Variants in RALGAPA2 observed in about 807,000 individuals in gnomAD.
RALGAPA2 encodes the protein Ral GTPase activating protein catalytic subunit alpha 2.
In RALGAPA2, 139 loss-of-function variants were observed where a neutral mutation model predicts 230.4. The observed-to-expected ratio is 0.60, with a 90% confidence interval of 0.53 to 0.69. The LOEUF is 0.69. RALGAPA2 is among the 30% of genes least tolerant of loss of function. The pLI, the probability that RALGAPA2 is intolerant of heterozygous loss-of-function variation, is 0.00. For synonymous variants in RALGAPA2, 847 were observed against 837.8 expected (o/e 1.01, Z -0.19); for missense variants, 2,163 against 2,276.0 (o/e 0.95, Z 1.01).
intron 23 of RALGAPA2, among the ~76,000 whole-genome samples, chr20:20,547,289 T>C (rs1467868663): frequency 6.6e-6 from 1 of 152,270 alleles, no homozygotes; most frequent in Admixed American, 6.5e-5. Context: ...CAGATAGTTT[T>C]ACGTGTTCAG....
chr20:20,533,509 T>C (rs2063421169), intron 26 of RALGAPA2, among the ~76,000 whole-genome samples: 1 of 152,116 alleles, frequency 6.6e-6, no homozygotes, highest in African/African-American at 2.4e-5. Flanking sequence ...AATTTGACAG[T>C]ATATAAGGAG....
In RALGAPA2 at chr20:20,571,741, C is replaced by A. The variant is rs556409578; in HGVS notation, c.3000+107G>T. The A allele has an allele frequency of 3.4e-5, 50 of 1,455,602 alleles. No homozygotes were observed. The African/African-American group carries it at 6.8e-4, about 20-fold the overall frequency. The allele number at this position is 1,455,602 out of a possible 1,614,324, so 90.2% of individuals were successfully genotyped here. On this transcript the variant is annotated intron_variant, in intron 22 of 39. Transcript: ENST00000202677. Reference sequence around the variant, plus strand: ...GTGGGATGCAGTTACTTTAGTAAGACCCAGCCTGTCTTCAAAACATGCAGT... The same window carrying A: ...GTGGGATGCAGTTACTTTAGTAAGAACCAGCCTGTCTTCAAAACATGCAGT...
chr20:20,543,147 C>T (rs1397835569), intron 24 of RALGAPA2, among the ~76,000 whole-genome samples: 4 of 152,022 alleles, frequency 2.6e-5, no homozygotes, highest in East Asian at 1.9e-4. Context: ...CAGGTTCAAG[C>T]GATTCTCCTG....
intron 7 of RALGAPA2, among the ~76,000 whole-genome samples, chr20:20,637,762 T>C (rs2066901980): frequency 6.6e-6 from 1 of 152,242 alleles, no homozygotes; most frequent in Non-Finnish European, 1.5e-5. Flanking sequence ...TTTTATAACG[T>C]GCTGTAATGT....
At chr20:20,595,675 C>T (rs547653777) in intron 16 of RALGAPA2, among the ~76,000 whole-genome samples, 4 of 152,100 alleles carry the variant, frequency 2.6e-5, no homozygotes, top group South Asian at 4.2e-4. Flanking sequence ...TAGAACAGAC[C>T]GGACGTGGTG....
At chr20:20,604,237 G>A (rs377550024) in intron 15 of RALGAPA2, among the ~76,000 whole-genome samples, 2 of 152,226 alleles carry the variant, frequency 1.3e-5, no homozygotes, top group African/African-American at 4.8e-5. Flanking sequence ...AGAGTAAGGT[G>A]TAGTACAAGT....
rs1044516188 is a variant in RALGAPA2, at chr20:20,512,202, AAAC to A, written c.4856+308_4856+310del. 1.7e-4 allele frequency among the ~76,000 whole-genome samples: 25 copies of A among 150,084 alleles called. No homozygotes were observed. In the South Asian group the frequency reaches 2.7e-3, roughly 16 times the overall value. On this transcript the variant is annotated intron_variant, in intron 32 of 39. Coordinates refer to ENST00000202677, the MANE Select transcript of RALGAPA2 (RefSeq NM_020343.4). The stretch of plus-strand genomic sequence containing the variant: ...GACTCTGTCTCAAAAAACAAAAAAC[AAAC>A]AACAACAACAACCCCCCCTACACAC...
chr20:20,492,459 A>G (rs1602531682), intron 36 of RALGAPA2, among the ~76,000 whole-genome samples: 2 of 152,230 alleles, frequency 1.3e-5, no homozygotes, highest in South Asian at 4.1e-4. Context: ...ATTTTGGTGG[A>G]GATCCCTAAA....
intron 2 of RALGAPA2, among the ~76,000 whole-genome samples, chr20:20,676,734 C>T (rs1308779016): frequency 6.6e-6 from 1 of 152,166 alleles, no homozygotes; most frequent in Non-Finnish European, 1.5e-5. Context: ...AGTAATAAAA[C>T]CTACAACACC....
intron 14 of RALGAPA2, among the ~76,000 whole-genome samples, chr20:20,610,705 T>A (rs148743498): frequency 1.7e-3 from 261 of 152,266 alleles, no homozygotes; most frequent in Non-Finnish European, 2.9e-3. Context: ...CACTTGCAAC[T>A]TCCACTGCCC....
intron 39 of RALGAPA2, 138 bp downstream of exon 39, chr20:20,396,557 G>A (rs2059722202): frequency 4.1e-6 from 3 of 736,044 alleles, no homozygotes; most frequent in Non-Finnish European, 6.4e-6. Flanking sequence ...GTGTGGGCAG[G>A]GCCCCCGGGG....
intron 33 of RALGAPA2, among the ~76,000 whole-genome samples, chr20:20,508,442 T>G (rs1467053860): frequency 1.3e-5 from 2 of 152,164 alleles, no homozygotes; most frequent in African/African-American, 2.4e-5. Flanking sequence ...TGCTGTCACA[T>G]GAAAAAGCCA....
At chr20:20,458,769 T>C (rs1156503428) in intron 37 of RALGAPA2, among the ~76,000 whole-genome samples, 9 of 139,472 alleles carry the variant, frequency 6.5e-5, no homozygotes, top group African/African-American at 7.9e-5. Context: ...TATATATATA[T>C]AGACCTATAT....
chr20:20,570,188 G>A (rs2064580343), intron 23 of RALGAPA2, among the ~76,000 whole-genome samples: 1 of 152,084 alleles, frequency 6.6e-6, no homozygotes, highest in African/African-American at 2.4e-5. Context: ...TCTATACACT[G>A]CTAAAATCAC....
intron 33 of RALGAPA2, among the ~76,000 whole-genome samples, chr20:20,507,306 A>G (rs2062562766): frequency 6.6e-6 from 1 of 152,166 alleles, no homozygotes; most frequent in African/African-American, 2.4e-5. Context: ...CGTTATCTTT[A>G]ATACATCCTT....
At position 20,640,048 on chromosome 20, in the gene RALGAPA2, T is replaced by C. The variant is rs1334180685; in HGVS notation, c.551-148A>G. 10 of 616,104 alleles carry C rather than the reference T, an allele frequency of 1.6e-5. No individual in the cohort carries two copies. The Admixed American group carries it at 2.9e-4, about 18-fold the overall frequency. 38.2% of individuals were successfully genotyped at this position (616,104 alleles called of 1,614,324 possible). ...GGAGCACACTCCAAGGCAGTGTGCA[T>C]AAAGGGCCTGGAAACACAGCCCAGA... On this transcript the variant is annotated intron_variant, in intron 6 of 39. Transcript: ENST00000202677.
intron 1 of RALGAPA2, among the ~76,000 whole-genome samples, chr20:20,703,960 A>T (rs2069499213): frequency 6.6e-6 from 1 of 152,162 alleles, no homozygotes; most frequent in South Asian, 2.1e-4. Flanking sequence ...TGCATTTTTC[A>T]GTCACTCCCT....
At chr20:20,483,901 C>T (rs559829218) in intron 36 of RALGAPA2, among the ~76,000 whole-genome samples, 9 of 152,270 alleles carry the variant, frequency 5.9e-5, no homozygotes, top group South Asian at 2.1e-4. Context: ...GAGAGCTATA[C>T]GGACCTTGAG....
At chr20:20,441,776 CTG>C (rs1217674030) in intron 37 of RALGAPA2, among the ~76,000 whole-genome samples, 5 of 152,154 alleles carry the variant, frequency 3.3e-5, no homozygotes, top group African/African-American at 9.7e-5. Flanking sequence ...GGGATGTAGT[CTG>C]AGCTGTTTTG....
Sources: allele counts gnomAD v4.1 joint callset (sites outside exome capture counted in the v4.1 genomes callset), GRCh38; gene constraint gnomAD v4.1.1; transcripts MANE v1.5; gene names NCBI Gene and HGNC (gene_info 2026-07-23, HGNC 2026-07-21).